The following CAND1 variants were observed in gnomAD, a reference collection of about 807,000 sequenced individuals.
The protein encoded by CAND1 is cullin associated and neddylation dissociated 1.
CAND1 carries 7 observed loss-of-function variants against 108.5 expected under a neutral mutation model. The ratio of observed to expected loss-of-function variants is 0.06; its 90% CI spans 0.04 to 0.12. The LOEUF (loss-of-function observed/expected upper bound fraction) is 0.12, where lower values mean the gene tolerates loss of function less well. Among genes scored for constraint, CAND1 ranks in the 10% least tolerant of loss-of-function variants. CAND1 has a pLI of 1.00. For missense variants in CAND1, 941 were observed against 1,448.7 expected (o/e 0.65, Z 5.69); for synonymous variants, 534 against 512.0 (o/e 1.04, Z -0.58).
chr12:67,275,391 G>T (rs2044559492), intron 1 of CAND1, among the ~76,000 whole-genome samples: 1 of 151,946 alleles, frequency 6.6e-6, no homozygotes, highest in Non-Finnish European at 1.5e-5. Context: ...GCCGGGCATG[G>T]TGGTGCATAC....
At position 67,290,487 on chromosome 12, in the gene CAND1, G is replaced by C. The variant is rs775311; in HGVS notation, c.213-2135G>C. On this transcript the variant is annotated intron_variant, in intron 2 of 14. Transcript: ENST00000545606. The stretch of plus-strand genomic sequence containing the variant: ...CATCACACCACTGCACTCCAGCCTG[G>C]CGACAAAGCAAGACAGTGTCTCAAA... Among the ~76,000 whole-genome samples, 1,019 of 151,982 alleles carry C rather than the reference G, an allele frequency of 6.7e-3. 7 individuals are homozygous for C. The highest frequency in any genetic ancestry group is 0.023 in the African/African-American group (970 of 41,440).
At chr12:67,291,545 G>T (rs2044721860) in intron 2 of CAND1, among the ~76,000 whole-genome samples, 1 of 152,126 alleles carries the variant, frequency 6.6e-6, no homozygotes, top group Non-Finnish European at 1.5e-5. Context: ...TATACAAAAT[G>T]AGATAACTTG....
rs535092985 is a variant in CAND1, at chr12:67,298,273, T to C, written c.854+420T>C. 2.6e-5 allele frequency among the ~76,000 whole-genome samples: 4 copies of C among 152,308 alleles called. No individual in the cohort carries two copies. The East Asian group carries it at 5.8e-4, about 22-fold the overall frequency. On this transcript the variant is annotated intron_variant, in intron 6 of 14. Coordinates refer to ENST00000545606, the MANE Select transcript of CAND1 (RefSeq NM_018448.5). ...AATTTGGAAACTGATTCTAATATATTTTTTAAAAGCTTAGTAAAAGTTGTG... is the reference window on the plus strand; with the variant it reads ...AATTTGGAAACTGATTCTAATATATCTTTTAAAAGCTTAGTAAAAGTTGTG...
At position 67,316,002 on chromosome 12, in the gene CAND1, GTTAAAA is replaced by G. The variant is rs1320559644; in HGVS notation, c.*3177_*3182del. 6.6e-6 allele frequency: 1 copy of G among 152,156 alleles called. No individual in the cohort carries two copies. Among genetic ancestry groups the G allele is most frequent in the Non-Finnish European group, 1.5e-5 (1 of 68,008 alleles). The allele number at this position is 152,156 out of a possible 1,614,324, so 9.4% of individuals were successfully genotyped here. Reference sequence around the variant, plus strand: ...ATTAATTTTACTAAAGACCTAAATTGTTAAAATTAATTGCCAATCTCTGGATATATT... The same window carrying G: ...ATTAATTTTACTAAAGACCTAAATTGTTAATTGCCAATCTCTGGATATATT... On this transcript the variant is annotated 3_prime_UTR_variant, in exon 15 of 15. Coordinates refer to ENST00000545606, the MANE Select transcript of CAND1 (RefSeq NM_018448.5).
chr12:67,299,718 C>G (rs1434618584), intron 7 of CAND1, among the ~76,000 whole-genome samples: 1 of 152,118 alleles, frequency 6.6e-6, no homozygotes, highest in Non-Finnish European at 1.5e-5. Context: ...GATATTTACT[C>G]TGGAAAGTAG....
chr12:67,276,236 G>A (rs1321702710), intron 1 of CAND1, among the ~76,000 whole-genome samples: 3 of 152,106 alleles, frequency 2.0e-5, no homozygotes, highest in Non-Finnish European at 2.9e-5. Context: ...ATCTGAATTC[G>A]TAGAGACTGC....
At chr12:67,276,174 C>T (rs1464617656) in intron 1 of CAND1, among the ~76,000 whole-genome samples, 2 of 152,188 alleles carry the variant, frequency 1.3e-5, no homozygotes, top group Admixed American at 6.5e-5. Context: ...TTGCCTCCCT[C>T]ACTAATTTCC....
chr12:67,304,950 T>C (rs1412460863), intron 9 of CAND1, among the ~76,000 whole-genome samples, 154 bp from the exon 10 acceptor site: 1 of 152,222 alleles, frequency 6.6e-6, no homozygotes, highest in East Asian at 1.9e-4. Context: ...CCTAAAATAT[T>C]TGGCTGTAAT....
Position 67,309,917 on chromosome 12 carries a change from T to A in CAND1, c.3042T>A (p.Thr1014=). 13 of 1,602,818 alleles carry A rather than the reference T, an allele frequency of 8.1e-6. No individual in the cohort carries two copies. The highest frequency in any genetic ancestry group is 1.1e-5 in the Non-Finnish European group (13 of 1,176,246). The change falls in exon 12 of 15, where the codon ACT becomes ACA. Residue 1014 remains threonine, a synonymous_variant. Coordinates refer to ENST00000545606, the MANE Select transcript of CAND1 (RefSeq NM_018448.5). ...ATATTTCAGGTGATTTCCTAAAAAC[T>A]TTGGAAGACCCAGATTTGAATGTGA... ...LKNCIGDFLK[T]LEDPDLNVRR...
chr12:67,281,356 T>C (rs895328141), intron 1 of CAND1, among the ~76,000 whole-genome samples: 2 of 151,820 alleles, frequency 1.3e-5, no homozygotes, highest in African/African-American at 4.8e-5. Context: ...AAAAAGAAAA[T>C]AGGCCTGATA....
rs745532609 is a variant in CAND1 at position 67,302,423 on chromosome 12, G to A, written c.1101G>A (p.Met367Ile). 6.2e-7 allele frequency: 1 copy of A among 1,614,130 alleles called. No individual in the cohort carries two copies. The highest frequency in any genetic ancestry group is 8.5e-7 in the Non-Finnish European group (1 of 1,179,982). ...LDAVVSTRHE[M>I]LPEFYKTVSP... ...CTGTAGTTAGCACAAGGCATGAAAT[G>A]CTTCCAGAATTCTACAAGACCGTCT... is the stretch of plus-strand genomic sequence containing the variant. The change falls in exon 8 of 15, where the codon ATG becomes ATA. Residue 367 changes from methionine (M) to isoleucine (I), a missense_variant. By Grantham distance (10) the Met-to-Ile change is conservative. Transcript: ENST00000545606.
chr12:67,269,733 T>TA lies in CAND1; in HGVS notation c.17dup (p.Tyr6Ter). 6.2e-7 allele frequency: 1 copy of TA among 1,606,460 alleles called. No homozygotes were observed. Among genetic ancestry groups the TA allele is most frequent in the Non-Finnish European group, 8.5e-7 (1 of 1,177,610 alleles). The change falls in exon 1 of 15, where the codon TAC becomes TAAC. Residue 6 changes from tyrosine to a stop codon, truncating the protein, a stop_gained and frameshift_variant. Coordinates refer to ENST00000545606, the MANE Select transcript of CAND1 (RefSeq NM_018448.5). LOFTEE classifies it high-confidence loss of function. ...GGCCGTCAACATGGCGAGCGCCTCG[T>TA]ACCACATTTCCAATTTGCTGGAAAA... The part of the protein sequence containing the change: MASAS[Y>*]HISNLLEKMT...
chr12:67,283,170 TC>T (rs1377332136), intron 2 of CAND1, among the ~76,000 whole-genome samples: 1 of 152,196 alleles, frequency 6.6e-6, no homozygotes, highest in Non-Finnish European at 1.5e-5. Context: ...CTTTTACATA[TC>T]CCTTGTAAAA....
Position 67,318,120 on chromosome 12 carries a change from CAAAG to C in CAND1, c.*5294_*5297del, listed in dbSNP as rs557006546. 447 of 152,370 alleles carry C rather than the reference CAAAG, an allele frequency of 2.9e-3. 2 individuals are homozygous for C. The highest frequency in any genetic ancestry group is 5.5e-3 in the Non-Finnish European group (373 of 68,082). The allele number at this position is 152,370 out of a possible 1,614,324, so 9.4% of individuals were successfully genotyped here. ...AAACCCCGTCTTTGCTAAAAAAACACAAAGAAATTAGCTAGACGTGGTGGCACAT... is the reference window on the plus strand; with the variant it reads ...AAACCCCGTCTTTGCTAAAAAAACACAAATTAGCTAGACGTGGTGGCACAT... On this transcript the variant is annotated 3_prime_UTR_variant, in exon 15 of 15. Coordinates refer to ENST00000545606, the MANE Select transcript of CAND1 (RefSeq NM_018448.5).
chr12:67,302,280 C>T (rs531341232), intron 7 of CAND1, 43 bp from the exon 8 acceptor site: 1 of 1,523,132 alleles, frequency 6.6e-7, no homozygotes, highest in Non-Finnish European at 9.0e-7. Context: ...TGATATACTT[C>T]TCTTGTCATT....
intron 6 of CAND1, 112 bp downstream of exon 6, chr12:67,297,965 AG>A: frequency 3.6e-6 from 2 of 548,986 alleles, no homozygotes; most frequent in Non-Finnish European, 6.3e-6. Flanking sequence ...CAGATATAAC[AG>A]ACAATACAGT....
intron 1 of CAND1, among the ~76,000 whole-genome samples, chr12:67,273,971 G>A (rs1261575698): frequency 6.6e-6 from 1 of 152,174 alleles, no homozygotes; most frequent in Non-Finnish European, 1.5e-5. Context: ...TGAAGAAACT[G>A]AGATTTGGAG....
At chr12:67,295,629 TAGAC>T (rs1444444252) in intron 4 of CAND1, among the ~76,000 whole-genome samples, 1 of 152,194 alleles carries the variant, frequency 6.6e-6, no homozygotes, top group South Asian at 2.1e-4. Flanking sequence ...TGTTAGAACA[TAGAC>T]AGACCTAAGC....
intron 1 of CAND1, among the ~76,000 whole-genome samples, chr12:67,277,273 T>A (rs950471527): frequency 6.6e-6 from 1 of 152,248 alleles, no homozygotes; most frequent in African/African-American, 2.4e-5. Flanking sequence ...GAGGGAATTA[T>A]GGAATTAGTT....
Sources: allele counts gnomAD v4.1 joint callset (sites outside exome capture counted in the v4.1 genomes callset), GRCh38; gene constraint gnomAD v4.1.1; transcripts MANE v1.5; gene names NCBI Gene and HGNC (gene_info 2026-07-23, HGNC 2026-07-21).